PHACTR1: variants seen among roughly 807,000 people sequenced by gnomAD.
The protein encoded by PHACTR1 is phosphatase and actin regulator 1.
A neutral mutation model predicts 69.2 loss-of-function variants in PHACTR1; 16 were observed. That is an observed-to-expected ratio of 0.23 (90% CI 0.16 to 0.35). PHACTR1 has a LOEUF of 0.35. Among genes scored for constraint, PHACTR1 ranks in the 10% least tolerant of loss-of-function variants. The probability of loss-of-function intolerance (pLI) is 1.00; values close to 1 mark genes in which losing one functional copy is unlikely to be tolerated. For synonymous variants in PHACTR1, 312 were observed against 284.5 expected (o/e 1.10, Z -0.97); for missense variants, 510 against 734.7 (o/e 0.69, Z 3.54).
chr6:13,177,467 A>G lies in PHACTR1; in HGVS notation c.497-5052A>G, dbSNP rs56275338. 5.6e-3 allele frequency among the ~76,000 whole-genome samples: 846 copies of G among 151,652 alleles called. 10 individuals carry two copies. Among genetic ancestry groups the G allele is most frequent in the African/African-American group, 0.018 (763 of 41,288 alleles). On this transcript the variant is annotated intron_variant, in intron 6 of 14. Transcript: ENST00000332995. The stretch of plus-strand genomic sequence containing the variant: ...TGTGTGTGTGTGTGTATATATATAT[A>G]CATATCAGATTTTTATATCTATTTC...
At chr6:13,181,526 C>T (rs1437088292) in intron 6 of PHACTR1, among the ~76,000 whole-genome samples, 1 of 152,174 alleles carries the variant, frequency 6.6e-6, no homozygotes, top group African/African-American at 2.4e-5. Context: ...AGGATGAAAT[C>T]ACACAGGGGG....
chr6:12,965,608 T>C (rs1221438866), intron 4 of PHACTR1, among the ~76,000 whole-genome samples: 6 of 152,158 alleles, frequency 3.9e-5, no homozygotes, highest in Admixed American at 3.9e-4. Flanking sequence ...GGCTCAGGCA[T>C]GAGTGATAGT....
chr6:12,940,440 G>C (rs1044888080), intron 4 of PHACTR1, among the ~76,000 whole-genome samples: 2 of 152,216 alleles, frequency 1.3e-5, no homozygotes, highest in Admixed American at 6.5e-5. Context: ...AACAGGGTAA[G>C]AGGCTGGAAG....
chr6:12,938,128 G>A (rs572661470), intron 4 of PHACTR1, among the ~76,000 whole-genome samples: 33 of 152,138 alleles, frequency 2.2e-4, no homozygotes, highest in South Asian at 1.2e-3. Flanking sequence ...ATCCTTTCTC[G>A]GTGTTCTGGG....
intron 9 of PHACTR1, among the ~76,000 whole-genome samples, chr6:13,229,372 C>T (rs977246620): frequency 6.6e-6 from 1 of 152,176 alleles, no homozygotes; most frequent in Admixed American, 6.5e-5. Context: ...TGGTTGAGAA[C>T]CACTGATTTA....
chr6:12,933,375 T>C (rs750683009), intron 4 of PHACTR1, among the ~76,000 whole-genome samples: 12 of 152,182 alleles, frequency 7.9e-5, no homozygotes, highest in African/African-American at 7.2e-5. Context: ...AAAATGTTCA[T>C]GGAAAAGGAC....
intron 4 of PHACTR1, among the ~76,000 whole-genome samples, chr6:13,005,998 C>A (rs1251358947): frequency 6.6e-6 from 1 of 152,192 alleles, no homozygotes; most frequent in East Asian, 1.9e-4. Context: ...AATTAGGATT[C>A]TGTCCTAAAG....
At chr6:13,123,751 GTA>G (rs1344057644) in intron 5 of PHACTR1, among the ~76,000 whole-genome samples, 1 of 152,174 alleles carries the variant, frequency 6.6e-6, no homozygotes, top group Admixed American at 6.5e-5. Context: ...AATTGTGTTT[GTA>G]TATGTTGTGA....
intron 4 of PHACTR1, among the ~76,000 whole-genome samples, chr6:12,902,212 C>T (rs532404262): frequency 5.3e-5 from 8 of 152,252 alleles, no homozygotes; most frequent in Admixed American, 6.5e-5. Flanking sequence ...CACCTGATGT[C>T]AGGAGTTCGA....
chr6:13,171,678 A>G (rs536227388), intron 6 of PHACTR1, among the ~76,000 whole-genome samples: 3 of 152,328 alleles, frequency 2.0e-5, no homozygotes, highest in East Asian at 3.9e-4. Context: ...CATGTGTCTA[A>G]TGAATGCCCT....
intron 4 of PHACTR1, among the ~76,000 whole-genome samples, chr6:12,775,327 G>A (rs140076494): frequency 1.8e-4 from 27 of 151,790 alleles, no homozygotes; most frequent in African/African-American, 6.1e-4. Flanking sequence ...TATCTTAATT[G>A]TTTTTTAAAA....
At chr6:13,201,258 A>G (rs964610809) in intron 7 of PHACTR1, among the ~76,000 whole-genome samples, 13 of 152,174 alleles carry the variant, frequency 8.5e-5, no homozygotes, top group Non-Finnish European at 1.6e-4. Context: ...GAGTTAAGGG[A>G]GGAAAGGCTG....
At chr6:13,214,218 T>TTAA in intron 8 of PHACTR1, 1 of 77,534 alleles carries the variant, frequency 1.3e-5, no homozygotes, top group Admixed American at 1.6e-4. Flanking sequence ...CGCTTTCCCC[T>TTAA]GAAAAAAAAA....
intron 5 of PHACTR1, among the ~76,000 whole-genome samples, chr6:13,075,710 C>CA (rs1349567634): frequency 6.6e-6 from 1 of 152,134 alleles, no homozygotes; most frequent in Non-Finnish European, 1.5e-5. Context: ...CCCTTCCAGG[C>CA]ATGCTGAATG....
At chr6:13,063,734 T>G (rs1217775856) in intron 5 of PHACTR1, among the ~76,000 whole-genome samples, 1 of 151,798 alleles carries the variant, frequency 6.6e-6, no homozygotes, top group Non-Finnish European at 1.5e-5. Flanking sequence ...GAGTCATGTT[T>G]GCACTACTGT....
At position 13,020,441 on chromosome 6, in the gene PHACTR1, G is replaced by A. The variant is rs970341975; in HGVS notation, c.251-32924G>A. 5.9e-5 allele frequency among the ~76,000 whole-genome samples: 9 copies of A among 152,332 alleles called. No homozygotes were observed. In the South Asian group the frequency reaches 1.2e-3, roughly 21 times the overall value. On this transcript the variant is annotated intron_variant, in intron 4 of 14. Coordinates refer to ENST00000332995, the MANE Select transcript of PHACTR1 (RefSeq NM_030948.6). ...CCTGCTCTGAGAGAAACAGTCCAGC[G>A]AGGGACGTTGCTGTGACAGGCAGAC...
intron 4 of PHACTR1, among the ~76,000 whole-genome samples, chr6:12,843,708 T>C (rs1213295493): frequency 6.6e-6 from 1 of 152,086 alleles, no homozygotes. Context: ...TGGTTAACTT[T>C]GAATATTCAA....
At chr6:13,266,336 C>G (rs952116615) in intron 10 of PHACTR1, among the ~76,000 whole-genome samples, 8 of 152,276 alleles carry the variant, frequency 5.3e-5, no homozygotes, top group Non-Finnish European at 1.0e-4. Flanking sequence ...TTGCCTCCCC[C>G]AATCCCTTCT....
chr6:12,723,416 A>G (rs1018030612), intron 3 of PHACTR1, among the ~76,000 whole-genome samples: 4 of 152,124 alleles, frequency 2.6e-5, no homozygotes, highest in Admixed American at 2.6e-4. Flanking sequence ...AATTTATATT[A>G]AAGTTTGAGA....
Sources: gnomAD v4.1 joint callset for allele counts (sites outside exome capture counted in the v4.1 genomes callset) on GRCh38, gnomAD v4.1.1 for gene constraint, MANE v1.5 for transcripts, NCBI Gene and HGNC (gene_info 2026-07-23, HGNC 2026-07-21) for gene names.